RUBCN: variants seen among roughly 807,000 people sequenced by gnomAD.
The protein encoded by RUBCN is run domain Beclin-1-interacting and cysteine-rich domain-containing protein.
A neutral mutation model predicts 113.2 loss-of-function variants in RUBCN; 74 were observed. The observed-to-expected ratio is 0.65, with a 90% confidence interval of 0.54 to 0.79. RUBCN has a LOEUF of 0.79. Among genes scored for constraint, RUBCN ranks in the 30% least tolerant of loss-of-function variants. The pLI is 0.00. For missense variants in RUBCN, 1,109 were observed against 1,251.7 expected (o/e 0.89, Z 1.72); for synonymous variants, 480 against 490.0 (o/e 0.98, Z 0.27).
chr3:197,690,238 G>C (rs1302453977), intron 11 of RUBCN, among the ~76,000 whole-genome samples: 1 of 152,190 alleles, frequency 6.6e-6, no homozygotes, highest in African/African-American at 2.4e-5. Context: ...ACGAGTTTGA[G>C]ACCAGCCTGG....
At position 197,707,045 on chromosome 3, in the gene RUBCN, A is replaced by ATAC. The variant is rs1334555800; in HGVS notation, c.220-1871_220-1870insGTA. 1.7e-4 allele frequency among the ~76,000 whole-genome samples: 26 copies of ATAC among 151,240 alleles called. 2 individuals carry two copies. Among genetic ancestry groups the ATAC allele is most frequent in the African/African-American group, 6.4e-4 (26 of 40,544 alleles). On this transcript the variant is annotated intron_variant, in intron 2 of 19. Coordinates refer to ENST00000296343, the MANE Select transcript of RUBCN (RefSeq NM_014687.4). ...TCTTGGTTACATCATTTTTAAGTGA[A>ATAC]AAGCGTGTAAAATTGTGGCCGGGCG...
intron 11 of RUBCN, among the ~76,000 whole-genome samples, chr3:197,690,202 G>A (rs1722272290): frequency 6.6e-6 from 1 of 152,200 alleles, no homozygotes; most frequent in African/African-American, 2.4e-5. Context: ...CACGTTGGGA[G>A]GCCGAGGCAG....
At chr3:197,685,844 G>C (rs1721779518) in intron 11 of RUBCN, among the ~76,000 whole-genome samples, 1 of 152,184 alleles carries the variant, frequency 6.6e-6, no homozygotes, top group Non-Finnish European at 1.5e-5. Context: ...AACAGTAGAG[G>C]CAACAGTAGG....
Position 197,694,688 on chromosome 3 carries a change from C to T in RUBCN, c.1474-103G>A. The T allele has an allele frequency of 3.1e-6, 3 of 965,416 alleles. No homozygotes were observed. In the South Asian group the frequency reaches 4.1e-5, roughly 13 times the overall value. 59.8% of individuals were successfully genotyped at this position (965,416 alleles called of 1,614,324 possible). ...GTTTCCAAGATAGGAACTGTTCCTG[C>T]CAAAAACACCCTGGAGAAATGGACA... On this transcript the variant is annotated intron_variant, in intron 9 of 19. Coordinates refer to ENST00000296343, the MANE Select transcript of RUBCN (RefSeq NM_014687.4).
chr3:197,687,533 G>A (rs975960787), intron 11 of RUBCN, among the ~76,000 whole-genome samples: 5 of 152,238 alleles, frequency 3.3e-5, no homozygotes, highest in African/African-American at 1.2e-4. Flanking sequence ...GCACTGGAGG[G>A]GTGCTGGAGG....
intron 2 of RUBCN, among the ~76,000 whole-genome samples, chr3:197,709,955 G>C: frequency 6.6e-6 from 1 of 151,878 alleles, no homozygotes. Context: ...CGGATCACTT[G>C]AAGTCAGGAG....
chr3:197,712,570 A>G (rs918823655), intron 2 of RUBCN, among the ~76,000 whole-genome samples: 8 of 152,150 alleles, frequency 5.3e-5, no homozygotes, highest in African/African-American at 1.9e-4. Flanking sequence ...TCAGATCTTT[A>G]CCAGGCAGAA....
At chr3:197,722,311 T>C (rs1039608880) in intron 1 of RUBCN, among the ~76,000 whole-genome samples, 8 of 152,046 alleles carry the variant, frequency 5.3e-5, no homozygotes, top group Non-Finnish European at 1.0e-4. Flanking sequence ...GAGACCTGTT[T>C]TGTGGCCTAC....
Position 197,675,174 on chromosome 3 carries a change from T to G in RUBCN, c.2763A>C (p.Lys921Asn). ...GACAGCTTCCAGACTTGAAGCAGGC[T>G]TTATGGTAACACGCTTTACACTCTA... Reference protein sequence around the residue: ...TCEECKACYHKACFKSGSCPR... With the variant: ...TCEECKACYHNACFKSGSCPR... Residue 921 changes from lysine to asparagine, a missense_variant, in exon 20 of 20, where the codon AAA becomes AAC. By Grantham distance (94) the Lys-to-Asn change is moderately conservative (BLOSUM62 0). Coordinates refer to ENST00000296343, the MANE Select transcript of RUBCN (RefSeq NM_014687.4). The surrounding 1 kb of genome is among the most constrained non-coding windows in gnomAD (Gnocchi z 4.4). 6.2e-7 allele frequency: 1 copy of G among 1,614,100 alleles called. No individual in the cohort carries two copies. Among genetic ancestry groups the G allele is most frequent in the Non-Finnish European group, 8.5e-7 (1 of 1,180,034 alleles).
chr3:197,699,627 AT>A (rs945611418), intron 7 of RUBCN, among the ~76,000 whole-genome samples: 7 of 152,172 alleles, frequency 4.6e-5, no homozygotes, highest in African/African-American at 1.7e-4. Context: ...ACAGGCTTTG[AT>A]TTGGAGATTC....
At chr3:197,696,581 A>G (rs758729622) in intron 8 of RUBCN, among the ~76,000 whole-genome samples, 1 of 150,480 alleles carries the variant, frequency 6.6e-6, no homozygotes, top group African/African-American at 2.5e-5. Flanking sequence ...AAAGGACACA[A>G]ATGGCTTCCT....
chr3:197,693,753 G>C lies in RUBCN; in HGVS notation c.1748C>G (p.Ser583Cys), dbSNP rs1478344040. The change falls in exon 11 of 20, where the codon TCT becomes TGT. Residue 583 changes from serine to cysteine, a missense_variant. Around this residue, in one of 3 missense-constraint regions of RUBCN, gnomAD observed 736 missense variants for 779.6 expected, o/e 0.94. Coordinates refer to ENST00000296343, the MANE Select transcript of RUBCN (RefSeq NM_014687.4). ...SSRDSAQLSD[S>C]GSADEVDEFE... Reference sequence around the variant, plus strand: ...TTCATCAACCTCATCAGCAGAGCCAGAGTCAGAGAGCTGTGCCGAATCACG... The same window carrying C: ...TTCATCAACCTCATCAGCAGAGCCACAGTCAGAGAGCTGTGCCGAATCACG... 1 of 1,613,962 alleles carries C rather than the reference G, an allele frequency of 6.2e-7. No homozygotes were observed. The highest frequency in any genetic ancestry group is 1.7e-5 in the Admixed American group (1 of 60,024).
In RUBCN at chr3:197,681,277, C is replaced by T. The variant is rs369102493; in HGVS notation, c.2282G>A (p.Arg761Gln). Residue 761 changes from arginine (R) to glutamine (Q), a missense_variant, in exon 16 of 20, where the codon CGG becomes CAG. Transcript: ENST00000296343. This position sits in a 1 kb window ranked among gnomAD's most constrained non-coding sequence, Gnocchi z 5.5. ...HENAQMAIPSRVLRKWDFSKY... is the reference protein window; with the variant it reads ...HENAQMAIPSQVLRKWDFSKY... ...GCTGAAGTCCCACTTGCGCAGAACCCGGCTGGGGATGGCCATCTGGGCATT... is the reference window on the plus strand; with the variant it reads ...GCTGAAGTCCCACTTGCGCAGAACCTGGCTGGGGATGGCCATCTGGGCATT... The T allele has an allele frequency of 1.2e-5, 20 of 1,614,040 alleles. No homozygotes were observed. The highest frequency in any genetic ancestry group is 2.7e-5 in the African/African-American group (2 of 74,912).
upstream of RUBCN, among the ~76,000 whole-genome samples, chr3:197,739,540 C>T (rs1418044381): frequency 1.5e-5 from 2 of 136,244 alleles, no homozygotes; most frequent in African/African-American, 5.6e-5. Context: ...AAAAATACAA[C>T]AAAAAATTAG....
At chr3:197,676,331 CT>C (rs139563903) in intron 18 of RUBCN, 1,288 of 908,238 alleles carry the variant, frequency 1.4e-3, no homozygotes, top group Admixed American at 2.7e-3. Context: ...TGACAACTGC[CT>C]TTTTTTTTTC....
intron 2 of RUBCN, among the ~76,000 whole-genome samples, chr3:197,717,439 G>C (rs1369700340): frequency 1.4e-5 from 2 of 143,838 alleles, no homozygotes; most frequent in South Asian, 2.2e-4. Context: ...GCGAGACTCC[G>C]TCTCAAAAAA....
Position 197,675,335 on chromosome 3 carries a change from C to A in RUBCN, c.2740+87G>T, listed in dbSNP as rs530741944. 1 of 1,510,370 alleles carries A rather than the reference C, an allele frequency of 6.6e-7. No homozygotes were observed. The highest frequency in any genetic ancestry group is 1.7e-5 in the Admixed American group (1 of 59,912). The allele number at this position is 1,510,370 out of a possible 1,614,324, so 93.6% of individuals were successfully genotyped here. ...AGGCCCCGCGAGGTGCTGAGTGGCA[C>A]CGAACTCTTGCTAACAGGGGTGGCT... is the stretch of plus-strand genomic sequence containing the variant. On this transcript the variant is annotated intron_variant, in intron 19 of 19. Coordinates refer to ENST00000296343, the MANE Select transcript of RUBCN (RefSeq NM_014687.4). The surrounding 1 kb of genome is among the most constrained non-coding windows in gnomAD (Gnocchi z 4.4).
At chr3:197,682,221 C>A (rs1184386888) in intron 14 of RUBCN, among the ~76,000 whole-genome samples, 2 of 152,162 alleles carry the variant, frequency 1.3e-5, no homozygotes, top group East Asian at 1.9e-4. Flanking sequence ...CAAGCCCACA[C>A]AACTACTGGG....
At chr3:197,747,873 T>C (rs1728817515) in intron 1 of RUBCN, among the ~76,000 whole-genome samples, 1 of 151,652 alleles carries the variant, frequency 6.6e-6, no homozygotes, top group South Asian at 2.1e-4. Flanking sequence ...CTAAAGTCAG[T>C]GAAAAAGTTA....
Sources: gnomAD v4.1 joint callset for allele counts (sites outside exome capture counted in the v4.1 genomes callset) on GRCh38, gnomAD v4.1.1 for gene constraint, gnomAD v4.1.1 regional missense constraint, Gnocchi (gnomAD v3.1) non-coding constraint, MANE v1.5 for transcripts, NCBI Gene and HGNC (gene_info 2026-07-23, HGNC 2026-07-21) for gene names.